EPHA3: variants seen among roughly 807,000 people sequenced by gnomAD.
EPHA3 encodes EPH receptor A3, also known as ephrin type-A receptor 3.
EPHA3 carries 42 observed loss-of-function variants against 107.1 expected under a neutral mutation model. The ratio of observed to expected loss-of-function variants is 0.39; its 90% confidence interval spans 0.31 to 0.51. The LOEUF is 0.51. Ranked by LOEUF, EPHA3 falls within the 20% of genes least tolerant of loss-of-function variation. EPHA3 has a pLI of 0.78. For missense variants in EPHA3, 1,183 were observed against 1,211.2 expected, an observed-to-expected ratio of 0.98 and a Z score of 0.35; for synonymous variants, 461 against 424.8, an observed-to-expected ratio of 1.09 and a Z score of -1.05.
chr3:89,440,860 A>G (rs1559697504), intron 13 of EPHA3, among the ~76,000 whole-genome samples: 1 of 152,244 alleles, frequency 6.6e-6, no homozygotes, highest in African/African-American at 2.4e-5. Flanking sequence ...GGTGACACCC[A>G]TGTGGATATG....
intron 13 of EPHA3, among the ~76,000 whole-genome samples, chr3:89,444,770 C>A (rs187125894): frequency 3.3e-5 from 5 of 152,130 alleles, no homozygotes; most frequent in African/African-American, 1.2e-4. Context: ...CATCTTTATT[C>A]TCTTCCTGTT....
intron 3 of EPHA3, among the ~76,000 whole-genome samples, chr3:89,216,610 C>T (rs1212772217): frequency 1.3e-5 from 2 of 151,942 alleles, no homozygotes; most frequent in African/African-American, 4.8e-5. Context: ...ATATGGATGA[C>T]CTTCCTTAGC....
At chr3:89,230,038 T>C (rs73849212) in intron 3 of EPHA3, among the ~76,000 whole-genome samples, 5,158 of 152,168 alleles carry the variant, frequency 0.034, 300 homozygotes, top group African/African-American at 0.12. Context: ...ATGTATGAGC[T>C]TTAAAAATTA....
intron 13 of EPHA3, among the ~76,000 whole-genome samples, chr3:89,448,672 T>TA (rs914203850): frequency 6.6e-6 from 1 of 152,190 alleles, no homozygotes; most frequent in Admixed American, 6.5e-5. Context: ...CACAGTAAAT[T>TA]AATCAAGATG....
At chr3:89,248,443 A>G (rs17026816) in intron 3 of EPHA3, among the ~76,000 whole-genome samples, 40,410 of 152,078 alleles carry the variant, frequency 0.27, 5,645 homozygotes, top group African/African-American at 0.32. Flanking sequence ...TTGAAGACAT[A>G]AGTGCCCAGT....
chr3:89,323,054 A>G (rs1205899334), intron 3 of EPHA3, among the ~76,000 whole-genome samples: 2 of 152,138 alleles, frequency 1.3e-5, no homozygotes, highest in African/African-American at 4.8e-5. Context: ...GGATGTTGGT[A>G]TAATATTCCA....
rs764951523 is a variant in EPHA3 at position 89,357,425 on chromosome 3, A to G, written c.1306+15335A>G. Among the ~76,000 whole-genome samples, 62 of 151,058 alleles carry G rather than the reference A, an allele frequency of 4.1e-4. 1 individual carries two copies. The highest frequency in any genetic ancestry group is 4.3e-4 in the Non-Finnish European group (29 of 67,522). Reference sequence around the variant, plus strand: ...AGAATGTCAGATGACCCCAAAATTAATTGTGCATACCATAGATATTTTAAA... The same window carrying G: ...AGAATGTCAGATGACCCCAAAATTAGTTGTGCATACCATAGATATTTTAAA... On this transcript the variant is annotated intron_variant, in intron 5 of 16. Coordinates refer to ENST00000336596, the MANE Select transcript of EPHA3 (RefSeq NM_005233.6).
intron 16 of EPHA3, among the ~76,000 whole-genome samples, chr3:89,477,254 C>A (rs1710534733): frequency 6.6e-6 from 1 of 152,124 alleles, no homozygotes; most frequent in Non-Finnish European, 1.5e-5. Flanking sequence ...GCCTCACATT[C>A]CCATACATCC....
Position 89,423,651 on chromosome 3 carries a change from T to TA in EPHA3, c.2074+4267dup, listed in dbSNP as rs1212214623. ...GTCTAAGTAACCACATCAACAAAAT[T>TA]AAAAAATCACTGCTCGATATATTAG... On this transcript the variant is annotated intron_variant, in intron 11 of 16. Coordinates refer to ENST00000336596, the MANE Select transcript of EPHA3 (RefSeq NM_005233.6). Among the ~76,000 whole-genome samples the TA allele has an allele frequency of 2.6e-5, 4 of 151,314 alleles. No homozygotes were observed. In the Admixed American group the frequency reaches 2.6e-4, roughly 10 times the overall value.
intron 2 of EPHA3, among the ~76,000 whole-genome samples, chr3:89,132,081 A>G (rs573894110): frequency 6.6e-6 from 1 of 152,268 alleles, no homozygotes; most frequent in Non-Finnish European, 1.5e-5. Context: ...AATTCCAGTG[A>G]TTTCTAGGAA....
At chr3:89,431,636 T>C (rs574935285) in intron 13 of EPHA3, among the ~76,000 whole-genome samples, 1 of 152,272 alleles carries the variant, frequency 6.6e-6, no homozygotes, top group African/African-American at 2.4e-5. Flanking sequence ...TTGATATTTT[T>C]AAATGTACCC....
At chr3:89,378,987 T>G (rs1444509070) in intron 5 of EPHA3, among the ~76,000 whole-genome samples, 1 of 152,162 alleles carries the variant, frequency 6.6e-6, no homozygotes, top group Non-Finnish European at 1.5e-5. Flanking sequence ...GCTCCAAAAT[T>G]TATGGCTAGC....
At chr3:89,204,280 G>A (rs550211213) in intron 2 of EPHA3, among the ~76,000 whole-genome samples, 1 of 152,160 alleles carries the variant, frequency 6.6e-6, no homozygotes, top group African/African-American at 2.4e-5. Flanking sequence ...AAACTTAGGG[G>A]CTAAAGGTGG....
intron 2 of EPHA3, among the ~76,000 whole-genome samples, chr3:89,179,866 A>G (rs1705403398): frequency 6.6e-6 from 1 of 151,560 alleles, no homozygotes; most frequent in South Asian, 2.1e-4. Flanking sequence ...TCTCATGTGT[A>G]TAGTTGTTTT....
In EPHA3 at chr3:89,284,160, T is replaced by G. The variant is rs557354684; in HGVS notation, c.815-56756T>G. Among the ~76,000 whole-genome samples, 155 of 152,310 alleles carry G rather than the reference T, an allele frequency of 1.0e-3. 1 individual carries two copies. The highest frequency in any genetic ancestry group is 3.7e-3 in the African/African-American group (153 of 41,590). ...CATTTGTTGTTATAGGAATGTGTTC[T>G]GGATTATGTAACACCTATTTTCACT... is the stretch of plus-strand genomic sequence containing the variant. On this transcript the variant is annotated intron_variant, in intron 3 of 16. Transcript: ENST00000336596.
intron 3 of EPHA3, among the ~76,000 whole-genome samples, chr3:89,287,507 A>T (rs1241410421): frequency 3.3e-5 from 5 of 152,048 alleles, no homozygotes; most frequent in Admixed American, 2.6e-4. Flanking sequence ...CAGTTAAGGG[A>T]AGGTGTGTTG....
At chr3:89,127,295 A>G (rs1461326937) in intron 2 of EPHA3, 22 bp downstream of exon 2, 1 of 1,584,100 alleles carries the variant, frequency 6.3e-7, no homozygotes, top group Admixed American at 1.7e-5. Context: ...AAACTATCAC[A>G]AGGAAACATT....
chr3:89,177,086 G>A (rs961754518), intron 2 of EPHA3, among the ~76,000 whole-genome samples: 3 of 152,072 alleles, frequency 2.0e-5, no homozygotes, highest in Admixed American at 6.6e-5. Context: ...GTGTGTGTGT[G>A]TGTGTGCACG....
At chr3:89,289,923 A>G (rs1706173273) in intron 3 of EPHA3, among the ~76,000 whole-genome samples, 1 of 152,122 alleles carries the variant, frequency 6.6e-6, no homozygotes, top group Admixed American at 6.6e-5. Flanking sequence ...TTGTGGGTAA[A>G]GTTTAGGTTT....
Sources: allele counts gnomAD v4.1 joint callset (sites outside exome capture counted in the v4.1 genomes callset), GRCh38; gene constraint gnomAD v4.1.1; transcripts MANE v1.5; gene names NCBI Gene and HGNC (gene_info 2026-07-23, HGNC 2026-07-21).